Variants in AOPEP observed in about 807,000 individuals in gnomAD.
AOPEP encodes the protein aminopeptidase O.
AOPEP carries 77 observed loss-of-function variants against 98.1 expected under a neutral mutation model. The ratio of observed to expected loss-of-function variants is 0.78; its 90% CI spans 0.65 to 0.95. The LOEUF is 0.95. AOPEP is among the 40% of genes least tolerant of loss of function. AOPEP has a pLI of 0.00. For missense variants in AOPEP, 1,024 were observed against 1,024.7 expected, an observed-to-expected ratio of 1.00 and a Z score of 0.01; for synonymous variants, 346 against 365.3, an observed-to-expected ratio of 0.95 and a Z score of 0.60.
intron 5 of AOPEP, among the ~76,000 whole-genome samples, chr9:94,895,239 T>TAAA (rs60422899): frequency 0.011 from 1,289 of 116,224 alleles, 8 homozygotes; most frequent in Non-Finnish European, 0.016. Context: ...TAAAATAAAA[T>TAAA]AAAAAAAAAA....
intron 5 of AOPEP, among the ~76,000 whole-genome samples, chr9:94,912,831 C>T (rs1387067033): frequency 2.0e-5 from 3 of 152,210 alleles, no homozygotes; most frequent in African/African-American, 7.2e-5. Context: ...GAAAGAAGTG[C>T]ACACAGGAAG....
At chr9:94,797,957 G>A (rs1397652854) in intron 4 of AOPEP, among the ~76,000 whole-genome samples, 1 of 152,126 alleles carries the variant, frequency 6.6e-6, no homozygotes, top group Non-Finnish European at 1.5e-5. Flanking sequence ...ACCTACCTTA[G>A]CCTCCCAAAG....
chr9:95,141,985 G>GTTTTTTTTTTTTTTT, the AOPEP span, among the ~76,000 whole-genome samples: 2 of 83,138 alleles, frequency 2.4e-5, no homozygotes, highest in Non-Finnish European at 2.1e-5. Context: ...AGTTTGTGGG[G>GTTTTTTTTTTTTTTT]TTTTTTTTTT....
At position 94,926,256 on chromosome 9, in the gene AOPEP, A is replaced by G. The variant is rs552821236; in HGVS notation, c.1554+2081A>G. On this transcript the variant is annotated intron_variant, in intron 6 of 16. Coordinates refer to ENST00000375315, the MANE Select transcript of AOPEP (RefSeq NM_001193329.3). Reference sequence around the variant, plus strand: ...CCTCTTGACTGATAAGTTTACATAGAGAAGTAAACACTAAATATTGTCAGA... The same window carrying G: ...CCTCTTGACTGATAAGTTTACATAGGGAAGTAAACACTAAATATTGTCAGA... Among the ~76,000 whole-genome samples, 12 of 152,318 alleles carry G rather than the reference A, an allele frequency of 7.9e-5. No individual in the cohort carries two copies. In the South Asian group the frequency reaches 2.1e-3, roughly 26 times the overall value.
At chr9:94,991,879 G>A (rs1317901355) in intron 11 of AOPEP, among the ~76,000 whole-genome samples, 1 of 152,200 alleles carries the variant, frequency 6.6e-6, no homozygotes, top group East Asian at 1.9e-4. Flanking sequence ...GTGAGTGAAT[G>A]TGATTGTATA....
chr9:94,920,865 C>G (rs545940482), intron 5 of AOPEP, among the ~76,000 whole-genome samples: 1 of 152,260 alleles, frequency 6.6e-6, no homozygotes, highest in Non-Finnish European at 1.5e-5. Flanking sequence ...GAGGCAGCCC[C>G]AGAGGTGGTC....
chr9:95,076,843 A>G (rs2069126939), intron 14 of AOPEP, among the ~76,000 whole-genome samples: 1 of 152,168 alleles, frequency 6.6e-6, no homozygotes, highest in Non-Finnish European at 1.5e-5. Flanking sequence ...GGTGTGATTC[A>G]TTTGCTGATC....
At chr9:95,023,380 A>T (rs2063608187) in intron 13 of AOPEP, among the ~76,000 whole-genome samples, 1 of 152,186 alleles carries the variant, frequency 6.6e-6, no homozygotes, top group Non-Finnish European at 1.5e-5. Flanking sequence ...AAAGCAGCCC[A>T]GTCACTTCTC....
At chr9:95,106,145 C>T in the AOPEP span, among the ~76,000 whole-genome samples, 19 of 152,124 alleles carry the variant, frequency 1.2e-4, 1 homozygote, top group African/African-American at 4.3e-4. Flanking sequence ...TCTCTCCTTG[C>T]TGACAGCCAT....
intron 11 of AOPEP, among the ~76,000 whole-genome samples, chr9:94,982,491 C>A (rs2060247170): frequency 6.6e-6 from 1 of 151,970 alleles, no homozygotes; most frequent in Non-Finnish European, 1.5e-5. Flanking sequence ...GTCTTATCTT[C>A]CAAACTAAGT....
intron 1 of AOPEP, among the ~76,000 whole-genome samples, chr9:94,739,094 C>G (rs56317174): frequency 0.04 from 6,067 of 152,220 alleles, 159 homozygotes; most frequent in Admixed American, 0.072. Context: ...GTTCTAACTG[C>G]TCTCCTCCTG....
intron 5 of AOPEP, among the ~76,000 whole-genome samples, chr9:94,915,667 C>T (rs1306616303): frequency 6.6e-6 from 1 of 152,232 alleles, no homozygotes; most frequent in African/African-American, 2.4e-5. Context: ...GCCTCTGTTG[C>T]GCTCAGGCCT....
At position 94,793,137 on chromosome 9, in the gene AOPEP, G is replaced by A. The variant is rs555799; in HGVS notation, c.1118+219G>A. 0.042 allele frequency among the ~76,000 whole-genome samples: 6,357 copies of A among 152,228 alleles called. 170 individuals are homozygous for A. Among genetic ancestry groups the A allele is most frequent in the Admixed American group, 0.073 (1,111 of 15,296 alleles). On this transcript the variant is annotated intron_variant, in intron 4 of 16. Coordinates refer to ENST00000375315, the MANE Select transcript of AOPEP (RefSeq NM_001193329.3). ...TCCCAACACTTTGGGAGGCCGAGGC[G>A]GGTGGATCACGAGGTCAAGAGACTG... is the stretch of plus-strand genomic sequence containing the variant.
At chr9:95,024,447 C>T (rs1408951290) in intron 13 of AOPEP, among the ~76,000 whole-genome samples, 1 of 152,216 alleles carries the variant, frequency 6.6e-6, no homozygotes, top group Non-Finnish European at 1.5e-5. Context: ...GCTGTTCTTC[C>T]CCTCAGCCTT....
chr9:95,118,065 C>G, the AOPEP span, among the ~76,000 whole-genome samples: 1 of 152,074 alleles, frequency 6.6e-6, no homozygotes, highest in Admixed American at 6.5e-5. Flanking sequence ...GTTGCGCAGG[C>G]TGGAGTGCAG....
At chr9:94,880,205 T>C (rs74998306) in intron 5 of AOPEP, among the ~76,000 whole-genome samples, 1,809 of 152,308 alleles carry the variant, frequency 0.012, 35 homozygotes, top group African/African-American at 0.041. Flanking sequence ...TCAATCTTAA[T>C]CATAACGATC....
At chr9:94,819,909 A>G (rs1382254439) in intron 5 of AOPEP, among the ~76,000 whole-genome samples, 3 of 151,024 alleles carry the variant, frequency 2.0e-5, no homozygotes, top group African/African-American at 4.9e-5. Context: ...GACCAACCTT[A>G]AAAGAGCTTT....
Position 94,967,649 on chromosome 9 carries a change from C to T in AOPEP, c.1873-109C>T. On this transcript the variant is annotated intron_variant, in intron 9 of 16. Coordinates refer to ENST00000375315, the MANE Select transcript of AOPEP (RefSeq NM_001193329.3). ...TTTTAAGTCAGCATAGGTCTAGCTT[C>T]TCAAGCAGGTGAGCTGTCAGTAGCT... The T allele has an allele frequency of 3.6e-6, 3 of 834,262 alleles. No individual in the cohort carries two copies. In the South Asian group the frequency reaches 4.2e-5, roughly 12 times the overall value. 51.7% of individuals were successfully genotyped at this position (834,262 alleles called of 1,614,324 possible). A position where few individuals can be genotyped will look rare whatever the true frequency, so the allele number is the denominator to read the frequency against.
At chr9:95,063,639 T>C (rs1380996456) in intron 14 of AOPEP, among the ~76,000 whole-genome samples, 1 of 152,222 alleles carries the variant, frequency 6.6e-6, no homozygotes, top group Non-Finnish European at 1.5e-5. Flanking sequence ...GTTGATATGC[T>C]TAATAAGAAC....
Sources: allele counts gnomAD v4.1 joint callset (sites outside exome capture counted in the v4.1 genomes callset), GRCh38; gene constraint gnomAD v4.1.1; transcripts MANE v1.5; gene names NCBI Gene and HGNC (gene_info 2026-07-23, HGNC 2026-07-21).